Variants in SHC2 observed in about 807,000 individuals in gnomAD.
SHC2 encodes SHC-transforming protein 2.
A neutral mutation model predicts 60.6 loss-of-function variants in SHC2; 62 were observed. The ratio of observed to expected loss-of-function variants is 1.02; its 90% confidence interval spans 0.83 to 1.26. The LOEUF (loss-of-function observed/expected upper bound fraction) is 1.26, where lower values mean the gene tolerates loss of function less well. SHC2 is among the 50% of genes most tolerant of loss of function. The probability of loss-of-function intolerance (pLI) is 0.00; values close to 1 mark genes in which losing one functional copy is unlikely to be tolerated. For missense variants in SHC2, 873 were observed against 822.2 expected (o/e 1.06, Z -0.76); for synonymous variants, 375 against 372.4 (o/e 1.01, Z -0.08).
intron 11 of SHC2, among the ~76,000 whole-genome samples, chr19:420,082 G>A (rs1300051408): frequency 6.6e-6 from 1 of 152,204 alleles, no homozygotes; most frequent in Non-Finnish European, 1.5e-5. Flanking sequence ...CAAGGTACTG[G>A]TAGACGTTCT....
rs1156799672 is a variant in SHC2 at position 417,200 on chromosome 19, G to C, written c.*128C>G. On this transcript the variant is annotated 3_prime_UTR_variant, in exon 13 of 13. Coordinates refer to ENST00000264554, the MANE Select transcript of SHC2 (RefSeq NM_012435.3). ...GGACCATGCCAGAGGCTCATGCGGAGGAAGGAGAGGCAGCGGTGGTTCGGC... is the reference window on the plus strand; with the variant it reads ...GGACCATGCCAGAGGCTCATGCGGACGAAGGAGAGGCAGCGGTGGTTCGGC... 3.3e-5 allele frequency: 5 copies of C among 152,990 alleles called. No homozygotes were observed. The highest frequency in any genetic ancestry group is 9.6e-5 in the African/African-American group (4 of 41,460). The allele number at this position is 152,990 out of a possible 1,614,324, so 9.5% of individuals were successfully genotyped here.
chr19:447,335 A>G (rs1203902277), intron 1 of SHC2, among the ~76,000 whole-genome samples: 8 of 152,256 alleles, frequency 5.3e-5, no homozygotes, highest in Non-Finnish European at 1.5e-5. Context: ...GGCTGAGGGC[A>G]GGCGATAAGT....
intron 1 of SHC2, among the ~76,000 whole-genome samples, chr19:451,624 G>GTC (rs1311673951): frequency 6.6e-6 from 1 of 152,182 alleles, no homozygotes; most frequent in Non-Finnish European, 1.5e-5. Flanking sequence ...TTGAGACATA[G>GTC]TCTCACTCTG....
At chr19:436,512 G>C in intron 5 of SHC2, 81 bp from the exon 6 acceptor site, 1 of 1,590,460 alleles carries the variant, frequency 6.3e-7, no homozygotes, top group Non-Finnish European at 8.6e-7. Context: ...AATGCAGAGA[G>C]ATGGGGCAGT....
At chr19:458,725 G>A (rs1975451332) in intron 1 of SHC2, among the ~76,000 whole-genome samples, 3 of 144,076 alleles carry the variant, frequency 2.1e-5, no homozygotes, top group African/African-American at 5.1e-5. Context: ...TGGGGAGGCG[G>A]AAGTGGGTTC....
chr19:459,740 C>A (rs28437206), intron 1 of SHC2, among the ~76,000 whole-genome samples: 2 of 152,178 alleles, frequency 1.3e-5, no homozygotes, highest in Non-Finnish European at 2.9e-5. Context: ...CCGCAGAGGC[C>A]GGGAGGAGCT....
intron 9 of SHC2, among the ~76,000 whole-genome samples, chr19:429,667 C>T (rs1236139348): frequency 7.7e-5 from 11 of 142,032 alleles, no homozygotes; most frequent in Non-Finnish European, 9.2e-5. Flanking sequence ...AATCTCATAC[C>T]GTGTGGATGA....
Position 425,222 on chromosome 19 carries a change from C to A in SHC2, c.1184G>T (p.Gly395Val). ...GGCGTCCGCCTGCACGTAGCCGTCC[C>A]CCGGTGGAGCTGGGGAGTGTAAAGA... is the stretch of plus-strand genomic sequence containing the variant. ...DVGSTGTAPPGDGYVQADARG... is the reference protein window; with the variant it reads ...DVGSTGTAPPVDGYVQADARG... The change falls in exon 10 of 13, where the codon GGG becomes GTG. Residue 395 changes from glycine (G) to valine (V), a missense_variant. Coordinates refer to ENST00000264554, the MANE Select transcript of SHC2 (RefSeq NM_012435.3). The surrounding 1 kb of genome is among the most constrained non-coding windows in gnomAD (Gnocchi z 4.1). 1 of 1,336,340 alleles carries A rather than the reference C, an allele frequency of 7.5e-7. No homozygotes were observed. The highest frequency in any genetic ancestry group is 2.5e-5 in the South Asian group (1 of 40,816). 82.8% of individuals were successfully genotyped at this position (1,336,340 alleles called of 1,614,324 possible).
rs141385993 is a variant in SHC2, at chr19:435,178, C to A, written c.954-313G>T. Among the ~76,000 whole-genome samples, 120 of 152,358 alleles carry A rather than the reference C, an allele frequency of 7.9e-4. 1 individual carries two copies. The East Asian group carries it at 0.017, about 21-fold the overall frequency. On this transcript the variant is annotated intron_variant, in intron 7 of 12. Transcript: ENST00000264554. ...GCAGAGGGCATGAGCCAAGTTTATA[C>A]CCAGAACCAGGACATCACCGGTCAG...
intron 9 of SHC2, among the ~76,000 whole-genome samples, chr19:429,452 G>A (rs1334497960): frequency 5.5e-4 from 48 of 87,500 alleles, no homozygotes; most frequent in Admixed American, 8.2e-4. Flanking sequence ...TACACCCAAC[G>A]TGCACAGAAA....
chr19:460,661 C>T lies in SHC2; in HGVS notation c.336G>A (p.Gly112=). ...AGSRGSRGGR[G]AAGSGDAAAA... ...CGGCGGCGTCCCCGGACCCCGCCGCCCCCCGCCCGCCCCGCGACCCCCGCG... is the reference window on the plus strand; with the variant it reads ...CGGCGGCGTCCCCGGACCCCGCCGCTCCCCGCCCGCCCCGCGACCCCCGCG... Residue 112 remains glycine, a synonymous_variant, in exon 1 of 13, where the codon GGG becomes GGA. Transcript: ENST00000264554. 8.8e-7 allele frequency: 1 copy of T among 1,133,432 alleles called. No homozygotes were observed. The allele number at this position is 1,133,432 out of a possible 1,614,324, so 70.2% of individuals were successfully genotyped here.
intron 12 of SHC2, among the ~76,000 whole-genome samples, chr19:417,539 T>C (rs1381514596): frequency 6.6e-6 from 1 of 152,182 alleles, no homozygotes; most frequent in Admixed American, 6.5e-5. Flanking sequence ...CTCTCTGCTG[T>C]CTCCTCGCGT....
intron 10 of SHC2, among the ~76,000 whole-genome samples, chr19:423,788 C>CA (rs1237797068): frequency 2.0e-5 from 3 of 152,342 alleles, no homozygotes; most frequent in African/African-American, 7.2e-5. Flanking sequence ...CGTGGCGAAT[C>CA]AGAGGCAGCC....
chr19:422,728 G>A lies in SHC2; in HGVS notation c.1310-272C>T, dbSNP rs553693679. 9 of 380,146 alleles carry A rather than the reference G, an allele frequency of 2.4e-5. No individual in the cohort carries two copies. The South Asian group carries it at 6.8e-4, about 29-fold the overall frequency. 23.5% of individuals were successfully genotyped at this position (380,146 alleles called of 1,614,324 possible). A position where few individuals can be genotyped will look rare whatever the true frequency, so the allele number is the denominator to read the frequency against. On this transcript the variant is annotated intron_variant, in intron 10 of 12. Transcript: ENST00000264554. The surrounding 1 kb of genome is among the most constrained non-coding windows in gnomAD (Gnocchi z 5.0). Reference sequence around the variant, plus strand: ...GTAACAGCAGCTCTTTCTTTCAGAGGTTAACTCCTATTTCTTTTTCCTGCC... The same window carrying A: ...GTAACAGCAGCTCTTTCTTTCAGAGATTAACTCCTATTTCTTTTTCCTGCC...
chr19:417,932 C>A (rs964691275), intron 12 of SHC2, among the ~76,000 whole-genome samples: 1 of 152,142 alleles, frequency 6.6e-6, no homozygotes, highest in Non-Finnish European at 1.5e-5. Context: ...GGCCCAGAAG[C>A]GCAGCCCTTG....
intron 1 of SHC2, among the ~76,000 whole-genome samples, chr19:443,727 TGGGTGG>T (rs1974974686): frequency 6.8e-6 from 1 of 147,506 alleles, no homozygotes; most frequent in Non-Finnish European, 1.5e-5. Context: ...GGTGAGTGGA[TGGGTGG>T]GTGGATGGAT....
At chr19:436,526 T>A in intron 5 of SHC2, 95 bp from the exon 6 acceptor site, 4 of 1,583,538 alleles carry the variant, frequency 2.5e-6, no homozygotes, top group Non-Finnish European at 3.5e-6. Context: ...GGGCAGTGGA[T>A]GTGGGCACAG....
chr19:460,445 G>T, intron 1 of SHC2, 84 bp downstream of exon 1: 1 of 616,238 alleles, frequency 1.6e-6, no homozygotes, highest in Non-Finnish European at 2.2e-6. Flanking sequence ...CACCTGGCTC[G>T]CGGGGTCCGG....
intron 1 of SHC2, among the ~76,000 whole-genome samples, chr19:448,674 G>A (rs933182988): frequency 2.6e-5 from 4 of 152,238 alleles, no homozygotes; most frequent in East Asian, 1.9e-4. Context: ...CTCCTGACAC[G>A]AAGGGCTGGG....
Sources: gnomAD v4.1 joint callset for allele counts (sites outside exome capture counted in the v4.1 genomes callset) on GRCh38, gnomAD v4.1.1 for gene constraint, Gnocchi (gnomAD v3.1) non-coding constraint, MANE v1.5 for transcripts, NCBI Gene and HGNC (gene_info 2026-07-23, HGNC 2026-07-21) for gene names.